ADCY5: variants seen among roughly 807,000 people sequenced by gnomAD.
ADCY5 encodes adenylate cyclase type 5.
Under a neutral mutation model 119.7 loss-of-function variants are expected in ADCY5, and 30 were observed. That is an observed-to-expected ratio of 0.25 (90% confidence interval 0.19 to 0.34). ADCY5 has a LOEUF of 0.34. ADCY5 is among the 10% of genes least tolerant of loss of function. The pLI, the probability that ADCY5 is intolerant of heterozygous loss-of-function variation, is 1.00. For missense variants in ADCY5, 1,324 were observed against 1,775.2 expected (o/e 0.75, Z 4.57); for synonymous variants, 753 against 762.2 (o/e 0.99, Z 0.20).
chr3:123,331,116 C>T, intron 4 of ADCY5, 100 bp from the exon 5 acceptor site: 2 of 1,393,546 alleles, frequency 1.4e-6, no homozygotes, highest in East Asian at 4.9e-5. Flanking sequence ...CCTGGAATAA[C>T]TTGCCTTTTA....
At chr3:123,416,140 A>T (rs1405883943) in intron 1 of ADCY5, 6 of 1,534,208 alleles carry the variant, frequency 3.9e-6, no homozygotes, top group Non-Finnish European at 5.2e-6. Context: ...ATCAGCAGAA[A>T]GGGACAGGTA....
intron 1 of ADCY5, among the ~76,000 whole-genome samples, chr3:123,426,314 G>GTTTTGTT (rs1945411411): frequency 2.8e-5 from 4 of 142,888 alleles, no homozygotes; most frequent in African/African-American, 1.0e-4. Context: ...TTTTTTGTTT[G>GTTTTGTT]TTTTTGTTTG....
At chr3:123,348,700 C>T (rs1389261927) in intron 2 of ADCY5, among the ~76,000 whole-genome samples, 3 of 152,154 alleles carry the variant, frequency 2.0e-5, no homozygotes, top group East Asian at 1.9e-4. Flanking sequence ...CGGAGGCTCA[C>T]GTCAGCCTGT....
chr3:123,435,680 T>C (rs1438901814), intron 1 of ADCY5, among the ~76,000 whole-genome samples: 1 of 151,770 alleles, frequency 6.6e-6, no homozygotes, highest in African/African-American at 2.4e-5. Flanking sequence ...AGAGTATAAA[T>C]GAAAAAGGGC....
At chr3:123,369,224 CCCA>C (rs1223672704) in intron 1 of ADCY5, among the ~76,000 whole-genome samples, 7 of 152,180 alleles carry the variant, frequency 4.6e-5, no homozygotes, top group Non-Finnish European at 1.0e-4. Context: ...TGTGATGCCA[CCCA>C]CCACATCATG....
chr3:123,312,975 T>C (rs1940667119), intron 12 of ADCY5, among the ~76,000 whole-genome samples: 1 of 139,568 alleles, frequency 7.2e-6, no homozygotes, highest in South Asian at 2.1e-4. Context: ...GGAGGGAGGC[T>C]GTGGCCTTGA....
chr3:123,315,426 G>A (rs1940859579), intron 11 of ADCY5, among the ~76,000 whole-genome samples: 4 of 152,186 alleles, frequency 2.6e-5, no homozygotes, highest in Admixed American at 6.5e-5. Context: ...TTGGAGCTGT[G>A]GCCAGAGGAG....
At chr3:123,440,464 C>G (rs529499719) in intron 1 of ADCY5, among the ~76,000 whole-genome samples, 127 of 145,794 alleles carry the variant, frequency 8.7e-4, no homozygotes, top group African/African-American at 3.6e-3. Context: ...TCTAACCACC[C>G]CCCCTTTCTC....
rs769550444 is a variant in ADCY5 at position 123,286,823 on chromosome 3, G to C, written c.3533-14C>G. 2.5e-6 allele frequency: 4 copies of C among 1,584,200 alleles called. No homozygotes were observed. The East Asian group carries it at 6.7e-5, about 27-fold the overall frequency. On this transcript the variant is annotated splice_polypyrimidine_tract_variant and intron_variant, in intron 19 of 20. Transcript: ENST00000462833. This position sits in a 1 kb window ranked among gnomAD's most constrained non-coding sequence, Gnocchi z 4.2. ...CGATGTTGAGCCCTGCAGGGGACAG[G>C]AATCAGCCACAGTCATCACATCTCT...
intron 10 of ADCY5, among the ~76,000 whole-genome samples, chr3:123,318,895 T>C (rs1941065639): frequency 6.6e-6 from 1 of 152,194 alleles, no homozygotes; most frequent in Non-Finnish European, 1.5e-5. Context: ...TCATTCACAA[T>C]GTGAAGAAAT....
intron 5 of ADCY5, 31 bp downstream of exon 5, chr3:123,330,858 G>C (rs1576583677): frequency 6.3e-7 from 1 of 1,593,364 alleles, no homozygotes; most frequent in East Asian, 2.2e-5. Context: ...GTCCCAGGGA[G>C]GGAGACGGTA....
At chr3:123,400,961 T>A (rs1008134266) in intron 1 of ADCY5, among the ~76,000 whole-genome samples, 2 of 150,082 alleles carry the variant, frequency 1.3e-5, no homozygotes, top group Non-Finnish European at 3.0e-5. Context: ...GAAATAAAAA[T>A]AAAAATAAAT....
At chr3:123,284,856 G>A (rs1938628143) in intron 20 of ADCY5, 120 bp from the exon 21 acceptor site, 3 of 1,376,292 alleles carry the variant, frequency 2.2e-6, no homozygotes, top group Non-Finnish European at 3.0e-6. Context: ...GAAGGAGAGG[G>A]GCAGCTGCCC....
chr3:123,303,891 G>GGGA (rs1273866268), intron 13 of ADCY5, among the ~76,000 whole-genome samples, 176 bp downstream of exon 13: 2 of 80,340 alleles, frequency 2.5e-5, no homozygotes, highest in African/African-American at 6.1e-5. Context: ...GAGAAGAGAA[G>GGGA]AGAAGAAAGA....
At chr3:123,326,062 AAG>A (rs1941469752) in intron 7 of ADCY5, among the ~76,000 whole-genome samples, 1 of 152,164 alleles carries the variant, frequency 6.6e-6, no homozygotes, top group Non-Finnish European at 1.5e-5. Context: ...GCCTGATCTG[AAG>A]TTGCCCAGGG....
intron 1 of ADCY5, among the ~76,000 whole-genome samples, chr3:123,417,443 A>G (rs1209000569): frequency 6.6e-6 from 1 of 152,376 alleles, no homozygotes; most frequent in African/African-American, 2.4e-5. Flanking sequence ...CAGAGAGAAC[A>G]TTACCTTAAG....
chr3:123,346,607 TTCTCTCTCTCTC>T (rs72299981), intron 3 of ADCY5, among the ~76,000 whole-genome samples: 72 of 127,802 alleles, frequency 5.6e-4, no homozygotes, highest in Non-Finnish European at 6.3e-4. Flanking sequence ...CAGCCTCACC[TTCTCTCTCTCTC>T]TCTCTCTCTC....
At chr3:123,398,625 A>C (rs1328145945) in intron 1 of ADCY5, among the ~76,000 whole-genome samples, 2 of 152,118 alleles carry the variant, frequency 1.3e-5, no homozygotes, top group African/African-American at 4.8e-5. Context: ...AAATGTTTGT[A>C]ATATTTCTAC....
Position 123,424,101 on chromosome 3 carries a change from G to A in ADCY5, c.1134+23311C>T, listed in dbSNP as rs1945353846. Reference sequence around the variant, plus strand: ...TGGGCCTGAGACAAGGAGACTGGAAGCCAGCATGAGGATTATCCCATGGCA... The same window carrying A: ...TGGGCCTGAGACAAGGAGACTGGAAACCAGCATGAGGATTATCCCATGGCA... On this transcript the variant is annotated intron_variant, in intron 1 of 20. Coordinates refer to ENST00000462833, the MANE Select transcript of ADCY5 (RefSeq NM_183357.3). Among the ~76,000 whole-genome samples the A allele has an allele frequency of 2.0e-5, 3 of 152,266 alleles. No homozygotes were observed. In the South Asian group the frequency reaches 6.2e-4, roughly 31 times the overall value.
Sources: gnomAD v4.1 joint callset for allele counts (sites outside exome capture counted in the v4.1 genomes callset) on GRCh38, gnomAD v4.1.1 for gene constraint, Gnocchi (gnomAD v3.1) non-coding constraint, MANE v1.5 for transcripts, NCBI Gene and HGNC (gene_info 2026-07-23, HGNC 2026-07-21) for gene names.